CECR2: variants seen among roughly 807,000 people sequenced by gnomAD.
CECR2 encodes the protein CECR2 histone acetyl-lysine reader, also known as chromatin remodeling regulator CECR2.
CECR2 carries 30 observed loss-of-function variants against 154.5 expected under a neutral mutation model. That is an observed-to-expected ratio of 0.19 (90% CI 0.15 to 0.26). The LOEUF is 0.26. CECR2 is among the 10% of genes least tolerant of loss of function. The pLI is 1.00. For missense variants in CECR2, 1,743 were observed against 1,829.3 expected (o/e 0.95, Z 0.86); for synonymous variants, 725 against 683.7 (o/e 1.06, Z -0.94).
intron 1 of CECR2, among the ~76,000 whole-genome samples, chr22:17,370,843 T>A (rs5992672): frequency 0.22 from 33,769 of 152,206 alleles, 5,700 homozygotes; most frequent in African/African-American, 0.48. Flanking sequence ...GAGCTGAGAA[T>A]TAGTCGATTG....
intron 8 of CECR2, among the ~76,000 whole-genome samples, chr22:17,515,694 GAGACGGAGTCTCGCTCTGTCACC>G (rs2056039363): frequency 1.4e-5 from 1 of 73,268 alleles, no homozygotes; most frequent in Non-Finnish European, 2.9e-5. Context: ...TTTTTTTTTT[GAGACGGAGTCTCGCTCTGTCACC>G]CAGGCTGGAG....
At chr22:17,365,779 G>A (rs2062999237), upstream of CECR2, among the ~76,000 whole-genome samples, 1 of 151,972 alleles carries the variant, frequency 6.6e-6, no homozygotes, top group Non-Finnish European at 1.5e-5. Flanking sequence ...GCTGAGGCAG[G>A]AGGATTGCTC....
At chr22:17,464,756 C>G (rs1447287134) in intron 1 of CECR2, among the ~76,000 whole-genome samples, 1 of 152,130 alleles carries the variant, frequency 6.6e-6, no homozygotes, top group Non-Finnish European at 1.5e-5. Context: ...CCACTTCAGT[C>G]CCCCAAAGCA....
chr22:17,468,428 C>T (rs763139296), intron 1 of CECR2, among the ~76,000 whole-genome samples: 2 of 152,094 alleles, frequency 1.3e-5, no homozygotes, highest in Non-Finnish European at 2.9e-5. Flanking sequence ...GCCTGTAATC[C>T]CAGCACTTTG....
intron 17 of CECR2, among the ~76,000 whole-genome samples, chr22:17,551,010 C>T (rs940013865): frequency 6.6e-6 from 1 of 152,204 alleles, no homozygotes; most frequent in Non-Finnish European, 1.5e-5. Context: ...GTGTTCCCCT[C>T]CTCAGTGCCA....
At chr22:17,435,756 T>C (rs1393224165) in intron 1 of CECR2, among the ~76,000 whole-genome samples, 1 of 151,526 alleles carries the variant, frequency 6.6e-6, no homozygotes, top group East Asian at 1.9e-4. Context: ...GGTGATTTTT[T>C]CTCATAGTCA....
chr22:17,421,246 C>A (rs1263206006), intron 1 of CECR2, among the ~76,000 whole-genome samples: 1 of 152,066 alleles, frequency 6.6e-6, no homozygotes, highest in Non-Finnish European at 1.5e-5. Flanking sequence ...CGTTGGGAGG[C>A]CGAGGTGGCG....
chr22:17,501,632 C>T (rs557271320), intron 5 of CECR2, among the ~76,000 whole-genome samples: 2 of 152,070 alleles, frequency 1.3e-5, no homozygotes, highest in South Asian at 4.2e-4. Context: ...TACAGAAGTT[C>T]AGCTTCAGAT....
intron 1 of CECR2, among the ~76,000 whole-genome samples, chr22:17,445,115 T>G (rs533682731): frequency 2.0e-4 from 31 of 152,368 alleles, no homozygotes; most frequent in Admixed American, 3.3e-4. Context: ...TGTTAGACTA[T>G]TCATATACCT....
At chr22:17,528,260 T>C (rs1030953870) in intron 9 of CECR2, among the ~76,000 whole-genome samples, 17 of 151,990 alleles carry the variant, frequency 1.1e-4, no homozygotes, top group African/African-American at 4.1e-4. Flanking sequence ...TGCAACAACA[T>C]GGATAGAACT....
intron 9 of CECR2, among the ~76,000 whole-genome samples, chr22:17,525,141 T>A (rs916763442): frequency 6.7e-6 from 1 of 149,376 alleles, no homozygotes; most frequent in Non-Finnish European, 1.5e-5. Flanking sequence ...AAAAATTAGC[T>A]GGGCGTGGTG....
At chr22:17,369,305 G>GCGCGCCCCGCCCC (rs1555898087), upstream of CECR2, 3 of 150,910 alleles carry the variant, frequency 2.0e-5, no homozygotes, top group African/African-American at 7.3e-5. Flanking sequence ...GCCCGGGGGC[G>GCGCGCCCCGCCCC]CGCGCCCCGC....
chr22:17,541,167 T>A (rs1003862), intron 14 of CECR2, among the ~76,000 whole-genome samples: 21,289 of 152,166 alleles, frequency 0.14, 1,948 homozygotes, highest in Non-Finnish European at 0.2. Flanking sequence ...TTAAAAAATA[T>A]GTAATCTGGC....
chr22:17,441,904 G>GATATC (rs1301971993), intron 1 of CECR2, among the ~76,000 whole-genome samples: 5 of 152,184 alleles, frequency 3.3e-5, no homozygotes, highest in African/African-American at 1.2e-4. Context: ...ATAGGGAGGT[G>GATATC]ATATCACACA....
intron 2 of CECR2, among the ~76,000 whole-genome samples, chr22:17,495,469 T>C (rs1018648030): frequency 2.0e-5 from 3 of 151,190 alleles, no homozygotes; most frequent in Non-Finnish European, 4.4e-5. Context: ...CTCAGGAGAC[T>C]GAGGCAGGAG....
In CECR2 at chr22:17,421,880, T is replaced by G. The variant is rs186569057; in HGVS notation, c.126+51971T>G. On this transcript the variant is annotated intron_variant, in intron 1 of 18. Coordinates refer to ENST00000262608, the MANE Select transcript of CECR2 (RefSeq NM_001290047.2). ...AAAAAAACAAAAAAAACTTTTTTTTTTTTTTAAATTTCTTACAAGGCAGGT... is the reference window on the plus strand; with the variant it reads ...AAAAAAACAAAAAAAACTTTTTTTTGTTTTTAAATTTCTTACAAGGCAGGT... Among the ~76,000 whole-genome samples, 48 of 150,838 alleles carry G rather than the reference T, an allele frequency of 3.2e-4. No homozygotes were observed. In the East Asian group the frequency reaches 9.3e-3, roughly 29 times the overall value.
intron 4 of CECR2, 53 bp from the exon 5 acceptor site, chr22:17,500,578 T>C (rs112455243): frequency 3.1e-6 from 4 of 1,273,710 alleles, no homozygotes; most frequent in Admixed American, 4.8e-5. Flanking sequence ...TAAAATCATA[T>C]GTAGCAATGC....
intron 2 of CECR2, among the ~76,000 whole-genome samples, chr22:17,495,706 C>CA (rs1397482334): frequency 4.7e-5 from 7 of 150,492 alleles, no homozygotes; most frequent in Non-Finnish European, 5.9e-5. Flanking sequence ...ACTAAAAATA[C>CA]AAAAAATTAG....
At chr22:17,437,110 T>C (rs28552770) in intron 1 of CECR2, among the ~76,000 whole-genome samples, 15,669 of 152,096 alleles carry the variant, frequency 0.1, 1,229 homozygotes, top group African/African-American at 0.22. Context: ...GCTGTTGGGT[T>C]GTCTGGTGTT....
Sources: gnomAD v4.1 joint callset for allele counts (sites outside exome capture counted in the v4.1 genomes callset) on GRCh38, gnomAD v4.1.1 for gene constraint, MANE v1.5 for transcripts, NCBI Gene and HGNC (gene_info 2026-07-23, HGNC 2026-07-21) for gene names.